The following PRPF39 variants were observed in gnomAD, a reference collection of about 807,000 sequenced individuals.
PRPF39 encodes pre-mRNA-processing factor 39.
Under a neutral mutation model 82.1 loss-of-function variants are expected in PRPF39, and 27 were observed. The observed-to-expected ratio is 0.33, with a 90% confidence interval of 0.24 to 0.45. The LOEUF is 0.45. Ranked by LOEUF, PRPF39 falls within the 20% of genes least tolerant of loss-of-function variation. PRPF39 has a pLI of 1.00. For synonymous variants in PRPF39, 261 were observed against 256.4 expected, an observed-to-expected ratio of 1.02 and a Z score of -0.17; for missense variants, 581 against 796.9, an observed-to-expected ratio of 0.73 and a Z score of 3.26.
chr14:45,108,527 GTGTTTT>G lies in PRPF39; in HGVS notation c.1011+12_1011+17del. The G allele has an allele frequency of 6.3e-7, 1 of 1,580,684 alleles. No homozygotes were observed. Among genetic ancestry groups the G allele is most frequent in the Non-Finnish European group, 8.5e-7 (1 of 1,171,234 alleles). On this transcript the variant is annotated splice_donor_region_variant and intron_variant, in intron 7 of 13. Transcript: ENST00000355765. ...AGGTGGACATTTGAAGAAGGTGTAAGTGTTTTTGTTTTGTAATAGTCTTTAAAATAC... is the reference window on the plus strand; with the variant it reads ...AGGTGGACATTTGAAGAAGGTGTAAGTGTTTTGTAATAGTCTTTAAAATAC...
At position 45,095,202 on chromosome 14, in the gene PRPF39, T is replaced by C. The variant is rs760411640; in HGVS notation, c.-19-19T>C. ...ATTGGCATTTGGAAGATATTTCTCT[T>C]TTTTTCGTGTTTCCACAGATCGTTA... On this transcript the variant is annotated intron_variant, in intron 1 of 13. Coordinates refer to ENST00000355765, the MANE Select transcript of PRPF39 (RefSeq NM_017922.4). The C allele has an allele frequency of 6.9e-7, 1 of 1,458,708 alleles. No homozygotes were observed. The highest frequency in any genetic ancestry group is 1.4e-5 in the African/African-American group (1 of 70,258). The allele number at this position is 1,458,708 out of a possible 1,614,324, so 90.4% of individuals were successfully genotyped here. A position where few individuals can be genotyped will look rare whatever the true frequency, so the allele number is the denominator to read the frequency against.
chr14:45,087,740 A>ATTTTT (rs35926249), intron 1 of PRPF39, among the ~76,000 whole-genome samples: 9 of 123,426 alleles, frequency 7.3e-5, no homozygotes, highest in Non-Finnish European at 1.2e-4. Context: ...TGCCCGGCTA[A>ATTTTT]TTTTTTTTTT....
intron 1 of PRPF39, among the ~76,000 whole-genome samples, 167 bp from the exon 2 acceptor site, chr14:45,095,054 T>G (rs1884154291): frequency 6.6e-6 from 1 of 152,204 alleles, no homozygotes; most frequent in Non-Finnish European, 1.5e-5. Context: ...ATAATTTTAT[T>G]TACAATATAA....
chr14:45,095,256 T>C lies in PRPF39; in HGVS notation c.17T>C (p.Met6Thr), dbSNP rs368256488. MQNSH[M>T]DEYRNSSNGS... ...GAAGACAATATGCAAAATTCTCACA[T>C]GGATGAATACAGAAATTCTAGTAAT... is the stretch of plus-strand genomic sequence containing the variant. Residue 6 changes from methionine to threonine, a missense_variant, in exon 2 of 14, where the codon ATG becomes ACG. Met to Thr is a moderately conservative substitution (Grantham distance 81). Transcript: ENST00000355765. 1.9e-6 allele frequency: 3 copies of C among 1,592,326 alleles called. No individual in the cohort carries two copies. The African/African-American group carries it at 4.0e-5, about 21-fold the overall frequency.
intron 4 of PRPF39, among the ~76,000 whole-genome samples, chr14:45,102,186 A>T (rs1884396745): frequency 6.6e-6 from 1 of 152,106 alleles, no homozygotes; most frequent in Admixed American, 6.5e-5. Context: ...TACTTGTTTT[A>T]ATTTTGTCTT....
intron 1 of PRPF39, among the ~76,000 whole-genome samples, chr14:45,087,476 C>A (rs1045267368): frequency 6.6e-6 from 1 of 151,946 alleles, no homozygotes; most frequent in Admixed American, 6.6e-5. Context: ...CATTTTTATA[C>A]CGAGGTATGT....
chr14:45,095,112 A>G, intron 1 of PRPF39, 109 bp from the exon 2 acceptor site: 1 of 637,642 alleles, frequency 1.6e-6, no homozygotes. Context: ...TAAGACTCAC[A>G]TTAATATTTC....
intron 1 of PRPF39, chr14:45,088,309 T>A (rs1407891986): frequency 1.2e-5 from 2 of 165,646 alleles, no homozygotes; most frequent in Non-Finnish European, 2.6e-5. Context: ...TCTGAGCAAT[T>A]GTTGAAAAAA....
chr14:45,087,677 C>T (rs1883878460), intron 1 of PRPF39, among the ~76,000 whole-genome samples: 1 of 151,760 alleles, frequency 6.6e-6, no homozygotes, highest in Non-Finnish European at 1.5e-5. Flanking sequence ...GGGTTCACAC[C>T]ATTCTCCTAC....
chr14:45,105,652 G>A (rs1420457441), intron 5 of PRPF39, among the ~76,000 whole-genome samples: 1 of 150,240 alleles, frequency 6.7e-6, no homozygotes, highest in African/African-American at 2.4e-5. Context: ...TCAGCCTCCC[G>A]AGTAGCTGGG....
chr14:45,106,317 C>T (rs1285832288), intron 5 of PRPF39, among the ~76,000 whole-genome samples: 1 of 152,102 alleles, frequency 6.6e-6, no homozygotes, highest in Non-Finnish European at 1.5e-5. Context: ...CGATTGCACT[C>T]TAGCCTGGGC....
intron 1 of PRPF39, among the ~76,000 whole-genome samples, chr14:45,089,913 A>G (rs1036077921): frequency 6.6e-6 from 1 of 152,194 alleles, no homozygotes; most frequent in African/African-American, 2.4e-5. Context: ...TATAAGCATA[A>G]GGTTGATGTT....
rs755985778 is a variant in PRPF39 at position 45,114,223 on chromosome 14, G to C, written c.1798G>C (p.Glu600Gln). Reference protein sequence around the residue: ...AYDEHQTLLKEQDSLKRKAEN... With the variant: ...AYDEHQTLLKQQDSLKRKAEN... ...TGATGAACATCAAACACTCCTGAAAGAACAGGATTCTTTAAAAAGGAAAGC... is the reference window on the plus strand; with the variant it reads ...TGATGAACATCAAACACTCCTGAAACAACAGGATTCTTTAAAAAGGAAAGC... Residue 600 changes from glutamate to glutamine, a missense_variant, in exon 12 of 14, where the codon GAA (glutamate) becomes CAA (glutamine). Coordinates refer to ENST00000355765, the MANE Select transcript of PRPF39 (RefSeq NM_017922.4). 3 of 1,603,640 alleles carry C rather than the reference G, an allele frequency of 1.9e-6. No homozygotes were observed. In the African/African-American group the frequency reaches 4.0e-5, roughly 22 times the overall value.
In PRPF39 at chr14:45,114,481, A is replaced by G. The variant is rs1884781978; in HGVS notation, c.1833-13A>G. 6.4e-7 allele frequency: 1 copy of G among 1,551,092 alleles called. No individual in the cohort carries two copies. The highest frequency in any genetic ancestry group is 1.3e-5 in the South Asian group (1 of 79,896). ...GGGAGTTTTGAAAGTTTCCATTCTG[A>G]CGTTTTATATAGATCAGAAGAACCA... On this transcript the variant is annotated splice_polypyrimidine_tract_variant and intron_variant, in intron 12 of 13. Transcript: ENST00000355765.
chr14:45,111,990 ATTTTT>A (rs201924892), intron 10 of PRPF39, among the ~76,000 whole-genome samples: 4 of 151,212 alleles, frequency 2.6e-5, no homozygotes, highest in African/African-American at 7.3e-5. Flanking sequence ...AAGCATAGAG[ATTTTT>A]TTTTATGTTT....
At chr14:45,099,378 C>G (rs1387624792) in intron 4 of PRPF39, among the ~76,000 whole-genome samples, 1 of 151,886 alleles carries the variant, frequency 6.6e-6, no homozygotes, top group African/African-American at 2.4e-5. Context: ...ATATCTTAGA[C>G]TTTGTCTGGC....
intron 1 of PRPF39, among the ~76,000 whole-genome samples, chr14:45,093,202 CT>C (rs1413347921): frequency 6.6e-6 from 1 of 151,136 alleles, no homozygotes; most frequent in African/African-American, 2.4e-5. Flanking sequence ...CTTTTTAATT[CT>C]TATTATTCCA....
At position 45,094,175 on chromosome 14, in the gene PRPF39, T is replaced by G. The variant is rs79574349; in HGVS notation, c.-19-1046T>G. Among the ~76,000 whole-genome samples the G allele has an allele frequency of 6.3e-3, 965 of 152,268 alleles. 6 individuals carry two copies. Among genetic ancestry groups the G allele is most frequent in the Non-Finnish European group, 0.01 (688 of 68,020 alleles). On this transcript the variant is annotated intron_variant, in intron 1 of 13. Transcript: ENST00000355765. ...TTAAGAGTAAATCAGTTTTATGGTC[T>G]GCTTAATTTTGAGAATAATTCCTCA...
chr14:45,099,913 T>C (rs1884321378), intron 4 of PRPF39, among the ~76,000 whole-genome samples: 1 of 152,236 alleles, frequency 6.6e-6, no homozygotes, highest in Admixed American at 6.5e-5. Context: ...TTTTTCTGTT[T>C]ACCCATTTTC....
Sources: allele counts gnomAD v4.1 joint callset (sites outside exome capture counted in the v4.1 genomes callset), GRCh38; gene constraint gnomAD v4.1.1; transcripts MANE v1.5; gene names NCBI Gene and HGNC (gene_info 2026-07-23, HGNC 2026-07-21).